The following ULK4 variants were observed in gnomAD, a reference collection of about 807,000 sequenced individuals.
ULK4 encodes inactive serine/threonine-protein kinase ULK4.
Under a neutral mutation model 160.6 loss-of-function variants are expected in ULK4, and 133 were observed. The ratio of observed to expected loss-of-function variants is 0.83; its 90% CI spans 0.72 to 0.96. The LOEUF (loss-of-function observed/expected upper bound fraction) is 0.96. Ranked by LOEUF, ULK4 falls within the 40% of genes least tolerant of loss-of-function variation. The pLI, the probability that ULK4 is intolerant of heterozygous loss-of-function variation, is 0.00. For missense variants in ULK4, 1,580 were observed against 1,499.5 expected (o/e 1.05, Z -0.89); for synonymous variants, 534 against 539.8 (o/e 0.99, Z 0.15).
intron 21 of ULK4, among the ~76,000 whole-genome samples, chr3:41,768,830 T>C (rs1217925098): frequency 6.6e-6 from 1 of 151,890 alleles, no homozygotes; most frequent in African/African-American, 2.4e-5. Context: ...CACACAGCAA[T>C]AGACATAATT....
chr3:41,249,690 G>A (rs1575351694), intron 35 of ULK4, 116 bp from the exon 36 acceptor site: 1 of 1,051,900 alleles, frequency 9.5e-7, no homozygotes, highest in Non-Finnish European at 1.4e-6. Flanking sequence ...CTAAGGCACT[G>A]GGGGGTGTCC....
chr3:41,809,269 A>G (rs2040749261), intron 19 of ULK4, among the ~76,000 whole-genome samples: 1 of 151,948 alleles, frequency 6.6e-6, no homozygotes, highest in Admixed American at 6.6e-5. Context: ...CAGTATTTAT[A>G]GTTGCTTTCA....
At chr3:41,916,901 T>C (rs527493391) in intron 7 of ULK4, among the ~76,000 whole-genome samples, 2 of 151,438 alleles carry the variant, frequency 1.3e-5, no homozygotes, top group African/African-American at 4.8e-5. Flanking sequence ...AGAGACAGGG[T>C]TTCACCATGA....
At chr3:41,268,324 C>T (rs2079079124) in intron 35 of ULK4, among the ~76,000 whole-genome samples, 1 of 152,194 alleles carries the variant, frequency 6.6e-6, no homozygotes. Context: ...GGACTACAAA[C>T]CCTTCTTTTC....
At chr3:41,844,413 T>C (rs1405722466) in intron 17 of ULK4, among the ~76,000 whole-genome samples, 3 of 152,142 alleles carry the variant, frequency 2.0e-5, no homozygotes, top group Non-Finnish European at 4.4e-5. Context: ...CTGGCCCAGG[T>C]GCTAAGCTCC....
At chr3:41,272,931 T>C (rs1044231667) in intron 35 of ULK4, among the ~76,000 whole-genome samples, 11 of 152,192 alleles carry the variant, frequency 7.2e-5, no homozygotes, top group Admixed American at 2.6e-4. Context: ...TAGGTCTTTT[T>C]TCATATCCTC....
intron 30 of ULK4, among the ~76,000 whole-genome samples, chr3:41,636,345 G>C (rs1048665962): frequency 2.0e-5 from 3 of 152,012 alleles, no homozygotes; most frequent in Non-Finnish European, 4.4e-5. Flanking sequence ...GACCAGCCTG[G>C]ACAATATGGC....
intron 16 of ULK4, among the ~76,000 whole-genome samples, chr3:41,890,557 G>A (rs141665572): frequency 0.032 from 4,859 of 151,448 alleles, 107 homozygotes; most frequent in Non-Finnish European, 0.048. Flanking sequence ...GTGCACACCT[G>A]TAATCCCAGC....
intron 35 of ULK4, among the ~76,000 whole-genome samples, chr3:41,313,991 T>C (rs896866469): frequency 8.5e-5 from 13 of 152,098 alleles, no homozygotes; most frequent in African/African-American, 2.7e-4. Context: ...GAGCAGGTCA[T>C]GTACAAGGGT....
At position 41,851,211 on chromosome 3, in the gene ULK4, G is replaced by T. The variant is rs549549291; in HGVS notation, c.1657-15240C>A. On this transcript the variant is annotated intron_variant, in intron 17 of 36. Transcript: ENST00000301831. ...CCATTCAGTATGATATTGGCTGTGG[G>T]TTTGTCATAGATGGCTCTTATTATT... Among the ~76,000 whole-genome samples the T allele has an allele frequency of 3.9e-5, 6 of 152,238 alleles. No homozygotes were observed. In the South Asian group the frequency reaches 1.2e-3, roughly 32 times the overall value.
chr3:41,310,994 A>G (rs1252792510), intron 35 of ULK4, among the ~76,000 whole-genome samples: 1 of 151,576 alleles, frequency 6.6e-6, no homozygotes, highest in Non-Finnish European at 1.5e-5. Flanking sequence ...CCTCGTCTCA[A>G]AAAAAAATAA....
intron 29 of ULK4, among the ~76,000 whole-genome samples, chr3:41,673,919 C>T (rs2035619013): frequency 1.3e-5 from 2 of 152,034 alleles, no homozygotes; most frequent in South Asian, 2.1e-4. Context: ...TTGTCTTGCC[C>T]ACAGGAATGT....
intron 2 of ULK4, among the ~76,000 whole-genome samples, chr3:41,947,900 T>C (rs542548128): frequency 6.6e-6 from 1 of 152,202 alleles, no homozygotes; most frequent in South Asian, 2.1e-4. Flanking sequence ...TTGAAGTGAG[T>C]GAATGAATCT....
rs752843326 is a variant in ULK4, at chr3:41,678,177, TACACACACACAC to T, written c.2978+3319_2978+3330del. 6.9e-4 allele frequency among the ~76,000 whole-genome samples: 85 copies of T among 123,134 alleles called. 1 individual carries two copies. The highest frequency in any genetic ancestry group is 2.5e-3 in the East Asian group (10 of 4,074). 80.8% of individuals were successfully genotyped at this position (123,134 alleles called of 152,430 possible). On this transcript the variant is annotated intron_variant, in intron 29 of 36. Coordinates refer to ENST00000301831, the MANE Select transcript of ULK4 (RefSeq NM_017886.4). ...TTTCTTAAAATAAATCTTTATTTCA[TACACACACACAC>T]ACACACACACACACACACACACACA...
chr3:41,740,819 C>A (rs1205017346), intron 22 of ULK4, among the ~76,000 whole-genome samples: 1 of 151,920 alleles, frequency 6.6e-6, no homozygotes, highest in Non-Finnish European at 1.5e-5. Flanking sequence ...GAACAATTTT[C>A]TGTATAAACT....
chr3:41,302,484 C>T (rs751465433), intron 35 of ULK4, among the ~76,000 whole-genome samples: 6 of 152,078 alleles, frequency 3.9e-5, no homozygotes, highest in Non-Finnish European at 2.9e-5. Flanking sequence ...GGATGGTTGA[C>T]GGGAATGAGG....
At chr3:41,748,646 C>A (rs2125890257) in intron 22 of ULK4, among the ~76,000 whole-genome samples, 1 of 152,294 alleles carries the variant, frequency 6.6e-6, no homozygotes, top group South Asian at 2.1e-4. Flanking sequence ...ATAGCTCACT[C>A]CTGCCCCTGC....
chr3:41,367,343 T>A (rs2125778883), intron 35 of ULK4, among the ~76,000 whole-genome samples: 1 of 152,262 alleles, frequency 6.6e-6, no homozygotes, highest in Non-Finnish European at 1.5e-5. Flanking sequence ...GAGAAATGGA[T>A]GAGAAAAGAA....
intron 32 of ULK4, among the ~76,000 whole-genome samples, chr3:41,518,123 A>C (rs1631168): frequency 0.84 from 126,978 of 151,988 alleles, 54,471 homozygotes; most frequent in Non-Finnish European, 0.94. Context: ...GGAAACTGTT[A>C]ATGGAAGGGG....
Sources: allele counts gnomAD v4.1 joint callset (sites outside exome capture counted in the v4.1 genomes callset), GRCh38; gene constraint gnomAD v4.1.1; transcripts MANE v1.5; gene names NCBI Gene and HGNC (gene_info 2026-07-23, HGNC 2026-07-21).